The following TCERG1L variants were observed in gnomAD, a reference collection of about 807,000 sequenced individuals.
TCERG1L encodes transcription elongation regulator 1-like protein.
A neutral mutation model predicts 56.3 loss-of-function variants in TCERG1L; 37 were observed. That is an observed-to-expected ratio of 0.66 (90% CI 0.51 to 0.87). The LOEUF (loss-of-function observed/expected upper bound fraction) is 0.87, where lower values mean the gene tolerates loss of function less well. TCERG1L is among the 40% of genes least tolerant of loss of function. The pLI is 0.00. For missense variants in TCERG1L, 799 were observed against 774.2 expected, an observed-to-expected ratio of 1.03 and a Z score of -0.38; for synonymous variants, 324 against 326.3, an observed-to-expected ratio of 0.99 and a Z score of 0.08.
At chr10:131,296,380 T>C (rs1407036946) in intron 3 of TCERG1L, among the ~76,000 whole-genome samples, 3 of 152,236 alleles carry the variant, frequency 2.0e-5, no homozygotes, top group Non-Finnish European at 4.4e-5. Context: ...AAGATGGTCT[T>C]TTCTTTATTG....
chr10:131,177,632 C>T (rs1334401475), intron 4 of TCERG1L, among the ~76,000 whole-genome samples: 2 of 152,204 alleles, frequency 1.3e-5, no homozygotes, highest in African/African-American at 2.4e-5. Flanking sequence ...CGTTAACACG[C>T]CCAGCACATG....
chr10:131,187,034 C>T (rs1168361850), intron 4 of TCERG1L, among the ~76,000 whole-genome samples: 1 of 152,200 alleles, frequency 6.6e-6, no homozygotes, highest in African/African-American at 2.4e-5. Flanking sequence ...GCTCTTTGTC[C>T]TTCCAGCCCA....
At position 131,139,690 on chromosome 10, in the gene TCERG1L, C is replaced by G. The variant is rs75135702; in HGVS notation, c.1190-5242G>C. The stretch of plus-strand genomic sequence containing the variant: ...AGGCTATGCATATGTGTGTGTGTGT[C>G]TGTGTGTGTGTGTGTGTGTGTCTGT... On this transcript the variant is annotated intron_variant, in intron 7 of 11. Transcript: ENST00000368642. Among the ~76,000 whole-genome samples, 8 of 150,304 alleles carry G rather than the reference C, an allele frequency of 5.3e-5. No individual in the cohort carries two copies. The East Asian group carries it at 1.6e-3, about 29-fold the overall frequency.
chr10:131,254,293 C>A (rs1446305644), intron 4 of TCERG1L, among the ~76,000 whole-genome samples: 1 of 111,962 alleles, frequency 8.9e-6, no homozygotes, highest in Non-Finnish European at 1.8e-5. Flanking sequence ...CAGGCAATCA[C>A]TGGATTTAAA....
At chr10:131,309,602 G>A (rs1846857168) in intron 1 of TCERG1L, among the ~76,000 whole-genome samples, 1 of 152,060 alleles carries the variant, frequency 6.6e-6, no homozygotes, top group Non-Finnish European at 1.5e-5. Flanking sequence ...CTGAGATAAT[G>A]AGAAATCACC....
chr10:131,293,404 C>T (rs2133575766), intron 3 of TCERG1L, among the ~76,000 whole-genome samples: 1 of 152,204 alleles, frequency 6.6e-6, no homozygotes, highest in Admixed American at 6.5e-5. Context: ...TCAAAAACCG[C>T]CTAAATCCAA....
intron 6 of TCERG1L, among the ~76,000 whole-genome samples, chr10:131,148,583 C>CGAT (rs377729860): frequency 0.2 from 30,586 of 151,768 alleles, 3,414 homozygotes; most frequent in East Asian, 0.34. Context: ...CAAATACAGA[C>CGAT]ACACAGACAC....
intron 5 of TCERG1L, among the ~76,000 whole-genome samples, chr10:131,166,559 T>G (rs1045250693): frequency 2.6e-5 from 4 of 152,352 alleles, no homozygotes; most frequent in African/African-American, 9.6e-5. Context: ...GCCAAATCCC[T>G]TCCCAACAGA....
intron 4 of TCERG1L, among the ~76,000 whole-genome samples, chr10:131,210,898 C>T (rs1258090736): frequency 6.6e-6 from 1 of 152,218 alleles, no homozygotes; most frequent in Non-Finnish European, 1.5e-5. Flanking sequence ...ACCGAAACAG[C>T]AAGTCATTAC....
At chr10:131,141,634 T>TCCTCCTTTCCAACTTCCCCTC (rs879928358) in intron 7 of TCERG1L, among the ~76,000 whole-genome samples, 14 of 151,538 alleles carry the variant, frequency 9.2e-5, no homozygotes, top group African/African-American at 2.9e-4. Context: ...TCCTTTCCTT[T>TCCTCCTTTCCAACTTCCCCTC]CCTCCTTTCC....
At chr10:131,170,596 G>T (rs377388872) in intron 4 of TCERG1L, among the ~76,000 whole-genome samples, 34 of 152,176 alleles carry the variant, frequency 2.2e-4, no homozygotes, top group African/African-American at 7.5e-4. Flanking sequence ...AAGGTCGCAT[G>T]AAGTCTGGAA....
At chr10:131,210,963 G>A (rs776052598) in intron 4 of TCERG1L, among the ~76,000 whole-genome samples, 1 of 152,036 alleles carries the variant, frequency 6.6e-6, no homozygotes, top group Non-Finnish European at 1.5e-5. Context: ...CACCTTCCAC[G>A]AGGCGCTACC....
chr10:131,191,413 C>G lies in TCERG1L; in HGVS notation c.857-24528G>C, dbSNP rs143340944. On this transcript the variant is annotated intron_variant, in intron 4 of 11. Coordinates refer to ENST00000368642, the MANE Select transcript of TCERG1L (RefSeq NM_174937.4). ...ATTCATATGGAACCAAAAAAGAGCCCAAATACCCAAAGCAATCCTAAGCAA... is the reference window on the plus strand; with the variant it reads ...ATTCATATGGAACCAAAAAAGAGCCGAAATACCCAAAGCAATCCTAAGCAA... Among the ~76,000 whole-genome samples the G allele has an allele frequency of 5.4e-4, 77 of 143,486 alleles. 1 individual carries two copies. The East Asian group carries it at 0.012, about 23-fold the overall frequency. 94.1% of individuals were successfully genotyped at this position (143,486 alleles called of 152,430 possible). A position where few individuals can be genotyped will look rare whatever the true frequency, so the allele number is the denominator to read the frequency against.
intron 4 of TCERG1L, among the ~76,000 whole-genome samples, chr10:131,204,313 G>A (rs72841308): frequency 0.1 from 15,869 of 152,250 alleles, 1,032 homozygotes; most frequent in East Asian, 0.17. Context: ...ATAGAGGAGC[G>A]GGAACAGACT....
chr10:131,176,842 G>A (rs114063079), intron 4 of TCERG1L, among the ~76,000 whole-genome samples: 16 of 17,162 alleles, frequency 9.3e-4, no homozygotes, highest in East Asian at 3.9e-3. Context: ...GTACACACAG[G>A]CACATAGGAA....
At chr10:131,231,020 T>G (rs1361873468) in intron 4 of TCERG1L, among the ~76,000 whole-genome samples, 1 of 150,556 alleles carries the variant, frequency 6.6e-6, no homozygotes, top group African/African-American at 2.4e-5. Flanking sequence ...CCTAGAACTA[T>G]GAAAGACTGA....
At chr10:131,285,788 T>C (rs1369187803) in intron 3 of TCERG1L, among the ~76,000 whole-genome samples, 1 of 152,098 alleles carries the variant, frequency 6.6e-6, no homozygotes, top group East Asian at 1.9e-4. Context: ...AAGAAAAATG[T>C]GGCTATCTTA....
intron 4 of TCERG1L, among the ~76,000 whole-genome samples, chr10:131,239,635 G>A (rs12244634): frequency 0.016 from 2,406 of 152,338 alleles, 59 homozygotes; most frequent in African/African-American, 0.054. Flanking sequence ...GGGCCCACAG[G>A]GCAGTGCAGA....
At chr10:131,252,752 C>T (rs1204986470) in intron 4 of TCERG1L, among the ~76,000 whole-genome samples, 2 of 152,198 alleles carry the variant, frequency 1.3e-5, no homozygotes, top group Non-Finnish European at 2.9e-5. Context: ...ATAAAGTGGC[C>T]TGTCCCGGGA....
Sources: allele counts gnomAD v4.1 joint callset (sites outside exome capture counted in the v4.1 genomes callset), GRCh38; gene constraint gnomAD v4.1.1; transcripts MANE v1.5; gene names NCBI Gene and HGNC (gene_info 2026-07-23, HGNC 2026-07-21).